EXOC4: variants seen among roughly 807,000 people sequenced by gnomAD.
EXOC4 encodes the protein SEC8-like 1.
A neutral mutation model predicts 107.2 loss-of-function variants in EXOC4; 71 were observed. The ratio of observed to expected loss-of-function variants is 0.66; its 90% confidence interval spans 0.55 to 0.81. EXOC4 has a LOEUF of 0.81. Ranked by LOEUF, EXOC4 falls within the 30% of genes least tolerant of loss-of-function variation. The pLI, the probability that EXOC4 is intolerant of heterozygous loss-of-function variation, is 0.00. For missense variants in EXOC4, 1,108 were observed against 1,189.6 expected (o/e 0.93, Z 1.01); for synonymous variants, 456 against 441.2 (o/e 1.03, Z -0.42).
rs147568836 is a variant in EXOC4 at position 133,790,605 on chromosome 7, A to G, written c.1515-26720A>G. Among the ~76,000 whole-genome samples, 515 of 152,386 alleles carry G rather than the reference A, an allele frequency of 3.4e-3. 11 individuals are homozygous for G. Among genetic ancestry groups the G allele is most frequent in the Non-Finnish European group, 1.1e-3 (73 of 68,042 alleles). ...GACCACATGCATTTCATTTGAAATAATTAGGCAAATTCGTCATATAATTCA... is the reference window on the plus strand; with the variant it reads ...GACCACATGCATTTCATTTGAAATAGTTAGGCAAATTCGTCATATAATTCA... On this transcript the variant is annotated intron_variant, in intron 10 of 17. Coordinates refer to ENST00000253861, the MANE Select transcript of EXOC4 (RefSeq NM_021807.4).
At chr7:133,452,100 A>G (rs1019862506) in intron 7 of EXOC4, among the ~76,000 whole-genome samples, 3 of 152,128 alleles carry the variant, frequency 2.0e-5, no homozygotes, top group African/African-American at 7.2e-5. Context: ...TGAGGCTTTG[A>G]TAATTAGCCT....
chr7:133,681,246 C>T (rs968531342), intron 10 of EXOC4, among the ~76,000 whole-genome samples: 11 of 152,080 alleles, frequency 7.2e-5, no homozygotes, highest in African/African-American at 2.4e-4. Context: ...TACAAAGAAT[C>T]AATGGCTGTA....
chr7:133,972,538 T>A (rs1801267105), intron 14 of EXOC4, among the ~76,000 whole-genome samples: 1 of 152,222 alleles, frequency 6.6e-6, no homozygotes, highest in Admixed American at 6.5e-5. Context: ...AATGACATTA[T>A]AACAAACTTA....
intron 6 of EXOC4, among the ~76,000 whole-genome samples, chr7:133,371,351 C>T (rs533829832): frequency 2.0e-5 from 3 of 152,268 alleles, no homozygotes; most frequent in South Asian, 2.1e-4. Flanking sequence ...GGTTCCAGCA[C>T]GTTTATGTCC....
At chr7:133,585,776 C>CTCTGCCTCCCAGGTTCAAGTGATTCT (rs1304390754) in intron 9 of EXOC4, among the ~76,000 whole-genome samples, 2 of 152,180 alleles carry the variant, frequency 1.3e-5, no homozygotes, top group African/African-American at 4.8e-5. Context: ...TCACTGTAAC[C>CTCTGCCTCCCAGGTTCAAGTGATTCT]TCTGCCTCCC....
intron 9 of EXOC4, among the ~76,000 whole-genome samples, chr7:133,617,952 A>G (rs1421509069): frequency 5.3e-5 from 8 of 152,176 alleles, no homozygotes; most frequent in African/African-American, 1.9e-4. Flanking sequence ...ATTGCTGTAG[A>G]TAAAGATCTA....
Position 133,793,061 on chromosome 7 carries a change from C to T in EXOC4, c.1515-24264C>T, listed in dbSNP as rs575209290. Among the ~76,000 whole-genome samples, 8 of 152,128 alleles carry T rather than the reference C, an allele frequency of 5.3e-5. No individual in the cohort carries two copies. The South Asian group carries it at 1.2e-3, about 24-fold the overall frequency. ...TTCTCCTGGTAACCCCGCCCATTTTCGTTACCTGTGAAAATAAGCCAATTA... is the reference window on the plus strand; with the variant it reads ...TTCTCCTGGTAACCCCGCCCATTTTTGTTACCTGTGAAAATAAGCCAATTA... On this transcript the variant is annotated intron_variant, in intron 10 of 17. Coordinates refer to ENST00000253861, the MANE Select transcript of EXOC4 (RefSeq NM_021807.4).
intron 10 of EXOC4, among the ~76,000 whole-genome samples, chr7:133,688,494 TAAGAA>T (rs753652827): frequency 6.6e-6 from 1 of 152,312 alleles, no homozygotes; most frequent in East Asian, 1.9e-4. Context: ...TTGGGACTGA[TAAGAA>T]AAGAAATGGT....
intron 7 of EXOC4, among the ~76,000 whole-genome samples, chr7:133,466,172 AAGCAG>A (rs1240564686): frequency 6.6e-6 from 1 of 152,058 alleles, no homozygotes; most frequent in Non-Finnish European, 1.5e-5. Context: ...AAGCCAAAGC[AAGCAG>A]AGGTTAGGAA....
At position 134,014,781 on chromosome 7, in the gene EXOC4, C is replaced by A. The variant is rs574333449; in HGVS notation, c.2687+6946C>A. On this transcript the variant is annotated intron_variant, in intron 17 of 17. Transcript: ENST00000253861. ...AAATTATATGGTATATGAATTATATCTCGATGAAGGAGTTTAAAAAAAAAA... is the reference window on the plus strand; with the variant it reads ...AAATTATATGGTATATGAATTATATATCGATGAAGGAGTTTAAAAAAAAAA... Among the ~76,000 whole-genome samples the A allele has an allele frequency of 8.3e-4, 126 of 151,628 alleles. 1 individual carries two copies. The highest frequency in any genetic ancestry group is 1.6e-3 in the Non-Finnish European group (109 of 67,958).
chr7:133,881,606 A>C (rs1798968254), intron 11 of EXOC4, among the ~76,000 whole-genome samples: 1 of 152,070 alleles, frequency 6.6e-6, no homozygotes, highest in African/African-American at 2.4e-5. Flanking sequence ...GCTAGTATCT[A>C]AGATTGTTGG....
intron 17 of EXOC4, among the ~76,000 whole-genome samples, chr7:134,028,436 C>A (rs1585333697): frequency 2.0e-5 from 3 of 152,282 alleles, no homozygotes; most frequent in African/African-American, 7.2e-5. Flanking sequence ...TATCAAAATT[C>A]TACTAAACTA....
intron 3 of EXOC4, among the ~76,000 whole-genome samples, chr7:133,293,139 A>G (rs1794444102): frequency 6.6e-6 from 1 of 152,102 alleles, no homozygotes; most frequent in African/African-American, 2.4e-5. Flanking sequence ...ATAACTTTGC[A>G]TGTTCTGAGG....
rs143318473 is a variant in EXOC4 at position 133,435,592 on chromosome 7, T to C, written c.1183-39736T>C. Among the ~76,000 whole-genome samples the C allele has an allele frequency of 1.3e-3, 196 of 152,312 alleles. 2 individuals carry two copies. Among genetic ancestry groups the C allele is most frequent in the African/African-American group, 4.5e-3 (188 of 41,576 alleles). On this transcript the variant is annotated intron_variant, in intron 7 of 17. Coordinates refer to ENST00000253861, the MANE Select transcript of EXOC4 (RefSeq NM_021807.4). Reference sequence around the variant, plus strand: ...ATGTCCCTTTTTTCTTAATTCTCTCTTCCTTAGTTTCTGCTATTCTTAGTG... The same window carrying C: ...ATGTCCCTTTTTTCTTAATTCTCTCCTCCTTAGTTTCTGCTATTCTTAGTG...
chr7:133,558,185 C>T (rs939770466), intron 9 of EXOC4, among the ~76,000 whole-genome samples: 232 of 91,488 alleles, frequency 2.5e-3, no homozygotes, highest in African/African-American at 9.7e-3. Context: ...TATTTTGGTT[C>T]CTTCTCTTTT....
chr7:133,516,561 A>G (rs1409417366), intron 9 of EXOC4, among the ~76,000 whole-genome samples: 1 of 152,038 alleles, frequency 6.6e-6, no homozygotes, highest in African/African-American at 2.4e-5. Flanking sequence ...GACATTTTAT[A>G]TATCTCTTCA....
intron 13 of EXOC4, among the ~76,000 whole-genome samples, chr7:133,935,850 C>T (rs975016581): frequency 1.3e-5 from 2 of 152,102 alleles, no homozygotes; most frequent in African/African-American, 4.8e-5. Context: ...TTGTTATACT[C>T]TTCTTTCTAC....
chr7:133,736,521 ACCT>A (rs1359214516), intron 10 of EXOC4, among the ~76,000 whole-genome samples: 1 of 152,214 alleles, frequency 6.6e-6, no homozygotes, highest in African/African-American at 2.4e-5. Flanking sequence ...TCAGTATAAT[ACCT>A]CCTAAAGGTT....
intron 7 of EXOC4, among the ~76,000 whole-genome samples, chr7:133,436,644 T>G (rs965411977): frequency 8.5e-5 from 13 of 152,156 alleles, no homozygotes; most frequent in African/African-American, 2.9e-4. Context: ...ATAATCAGCC[T>G]CTTTAAGTAT....
Sources: gnomAD v4.1 joint callset for allele counts (sites outside exome capture counted in the v4.1 genomes callset) on GRCh38, gnomAD v4.1.1 for gene constraint, MANE v1.5 for transcripts, NCBI Gene and HGNC (gene_info 2026-07-23, HGNC 2026-07-21) for gene names.